The following RTN4RL1 variants were observed in gnomAD, a reference collection of about 807,000 sequenced individuals.
The protein encoded by RTN4RL1 is reticulon 4 receptor like 1, also known as reticulon-4 receptor-like 1.
Under a neutral mutation model 25.6 loss-of-function variants are expected in RTN4RL1, and 7 were observed. That is an observed-to-expected ratio of 0.27 (90% CI 0.16 to 0.51). The LOEUF (loss-of-function observed/expected upper bound fraction) is 0.51. Among genes scored for constraint, RTN4RL1 ranks in the 20% least tolerant of loss-of-function variants. The pLI, the probability that RTN4RL1 is intolerant of heterozygous loss-of-function variation, is 0.97. For missense variants in RTN4RL1, 500 were observed against 615.6 expected (o/e 0.81, Z 1.99); for synonymous variants, 297 against 288.2 (o/e 1.03, Z -0.31).
chr17:2,015,940 G>C (rs1412371164), intron 1 of RTN4RL1, among the ~76,000 whole-genome samples: 1 of 152,126 alleles, frequency 6.6e-6, no homozygotes, highest in Admixed American at 6.5e-5. Context: ...GACCACAGGG[G>C]ACTCCAGAGC....
chr17:1,991,464 C>CA (rs918564841), intron 1 of RTN4RL1, among the ~76,000 whole-genome samples: 20 of 40,156 alleles, frequency 5.0e-4, no homozygotes, highest in East Asian at 2.7e-3. Flanking sequence ...AAAAAAAAAA[C>CA]AAAAAAAAAC....
chr17:1,968,765 ACT>A (rs1183713655), intron 1 of RTN4RL1, among the ~76,000 whole-genome samples: 1 of 152,138 alleles, frequency 6.6e-6, no homozygotes, highest in Non-Finnish European at 1.5e-5. Flanking sequence ...GGCTCATTGC[ACT>A]TGTTCTTTGA....
chr17:1,982,340 A>C (rs4790857), intron 1 of RTN4RL1, among the ~76,000 whole-genome samples: 145,508 of 151,842 alleles, frequency 0.96, 69,819 homozygotes, highest in African/African-American at 0.99. Flanking sequence ...AAGCCGGGCG[A>C]GGTGCCTCGC....
intron 1 of RTN4RL1, among the ~76,000 whole-genome samples, chr17:1,978,560 C>T (rs1486251549): frequency 3.4e-5 from 5 of 149,134 alleles, no homozygotes; most frequent in African/African-American, 1.2e-4. Context: ...AATTAGGCTG[C>T]GTTTGGATCC....
chr17:1,941,586 GC>G (rs1049675582), intron 1 of RTN4RL1, among the ~76,000 whole-genome samples: 1 of 152,156 alleles, frequency 6.6e-6, no homozygotes, highest in African/African-American at 2.4e-5. Flanking sequence ...ATGGTGGAGG[GC>G]CCCTCGGGGG....
At chr17:2,021,459 A>G (rs933234399) in intron 1 of RTN4RL1, among the ~76,000 whole-genome samples, 7 of 151,870 alleles carry the variant, frequency 4.6e-5, no homozygotes, top group Admixed American at 2.0e-4. Context: ...TCATAATTAA[A>G]TTATTACACT....
intron 1 of RTN4RL1, among the ~76,000 whole-genome samples, chr17:2,004,260 C>T (rs576922049): frequency 4.2e-4 from 60 of 144,342 alleles, no homozygotes; most frequent in Non-Finnish European, 2.5e-4. Flanking sequence ...CCTAGCTACT[C>T]GGGAGGCTGA....
intron 1 of RTN4RL1, among the ~76,000 whole-genome samples, chr17:1,953,858 C>T (rs997064160): frequency 3.9e-5 from 6 of 152,186 alleles, no homozygotes; most frequent in African/African-American, 1.2e-4. Context: ...AGCCACCGTG[C>T]CTGGCCATTA....
At chr17:2,010,470 C>G (rs957568692) in intron 1 of RTN4RL1, among the ~76,000 whole-genome samples, 21 of 152,058 alleles carry the variant, frequency 1.4e-4, no homozygotes, top group African/African-American at 5.1e-4. Flanking sequence ...GAGCAAGACT[C>G]TGTCTCAATA....
intron 1 of RTN4RL1, among the ~76,000 whole-genome samples, chr17:1,982,657 G>A (rs1391869996): frequency 1.4e-5 from 2 of 144,166 alleles, no homozygotes; most frequent in East Asian, 3.9e-4. Context: ...AGAAACTCTG[G>A]GAAGGGGCAG....
At chr17:1,947,344 T>A (rs1216829791) in intron 1 of RTN4RL1, among the ~76,000 whole-genome samples, 3 of 152,200 alleles carry the variant, frequency 2.0e-5, no homozygotes, top group Non-Finnish European at 4.4e-5. Flanking sequence ...CATGCCTGTC[T>A]CGGGACTGTG....
intron 1 of RTN4RL1, among the ~76,000 whole-genome samples, chr17:1,950,994 G>A (rs189833213): frequency 6.6e-5 from 10 of 150,746 alleles, no homozygotes; most frequent in Admixed American, 2.6e-4. Context: ...GGCTGGGCGC[G>A]GTGGCTCACG....
chr17:2,023,671 A>ACCCCCCCCCCCCCCCCC (rs2067239104), intron 1 of RTN4RL1: 1 of 58,560 alleles, frequency 1.7e-5, no homozygotes, highest in Non-Finnish European at 3.7e-5. Flanking sequence ...GCTTCCCCCC[A>ACCCCCCCCCCCCCCCCC]CCTCCCCAAC....
chr17:1,937,372 G>C lies in RTN4RL1; in HGVS notation c.450C>G (p.Ser150Arg). 1 of 1,613,674 alleles carries C rather than the reference G, an allele frequency of 6.2e-7. No homozygotes were observed. The highest frequency in any genetic ancestry group is 1.1e-5 in the South Asian group (1 of 91,084). Residue 150 changes from serine to arginine, a missense_variant, in exon 2 of 2, where the codon AGC becomes AGG. Ser to Arg is a moderately radical substitution (Grantham distance 110, BLOSUM62 -1). Transcript: ENST00000331238. ...TGTCCTGCAGGTAGAGGTACTGCAG[G>C]CTGTGCAGGCCGCCAAAGACGCCGG... ...LPAGVFGGLH[S>R]LQYLYLQDNH...
intron 1 of RTN4RL1, among the ~76,000 whole-genome samples, chr17:1,972,769 A>G (rs912328670): frequency 3.3e-5 from 5 of 152,124 alleles, no homozygotes; most frequent in African/African-American, 1.2e-4. Context: ...ACTGGCATCA[A>G]CGCTAACTGT....
intron 1 of RTN4RL1, 96 bp from the exon 2 acceptor site, chr17:1,937,904 G>A (rs1325712992): frequency 6.0e-6 from 6 of 1,001,406 alleles, no homozygotes; most frequent in African/African-American, 1.6e-5. Context: ...TCCTCGTCTT[G>A]GCTGAGCTCC....
chr17:1,957,438 C>G (rs184183890), intron 1 of RTN4RL1, among the ~76,000 whole-genome samples: 48 of 152,322 alleles, frequency 3.2e-4, no homozygotes, highest in Non-Finnish European at 5.7e-4. Context: ...TGTGCCAGGC[C>G]TACCCACGCT....
intron 1 of RTN4RL1, among the ~76,000 whole-genome samples, chr17:1,980,066 C>A (rs1476725654): frequency 6.6e-6 from 1 of 151,810 alleles, no homozygotes; most frequent in Non-Finnish European, 1.5e-5. Flanking sequence ...TTTTTCTTTT[C>A]TTTTCTTTTT....
chr17:2,024,004 G>A (rs1314556786), intron 1 of RTN4RL1, among the ~76,000 whole-genome samples: 1 of 152,144 alleles, frequency 6.6e-6, no homozygotes, highest in Non-Finnish European at 1.5e-5. Flanking sequence ...GGAACAGCTG[G>A]TGGCGGGGCC....
Sources: gnomAD v4.1 joint callset for allele counts (sites outside exome capture counted in the v4.1 genomes callset) on GRCh38, gnomAD v4.1.1 for gene constraint, MANE v1.5 for transcripts, NCBI Gene and HGNC (gene_info 2026-07-23, HGNC 2026-07-21) for gene names.